Variants in MGAT4C observed in about 807,000 individuals in gnomAD.
MGAT4C encodes the protein MGAT4 family member C, also known as alpha-1,3-mannosyl-glycoprotein 4-beta-N-acetylglucosaminyltransferase C.
In MGAT4C, 19 loss-of-function variants were observed where a neutral mutation model predicts 40.1. The observed-to-expected ratio is 0.47, with a 90% CI of 0.33 to 0.70. The LOEUF is 0.70. Among genes scored for constraint, MGAT4C ranks in the 30% least tolerant of loss-of-function variants. The pLI, the probability that MGAT4C is intolerant of heterozygous loss-of-function variation, is 0.02. For missense variants in MGAT4C, 491 were observed against 563.2 expected, an observed-to-expected ratio of 0.87 and a Z score of 1.30; for synonymous variants, 181 against 187.1, an observed-to-expected ratio of 0.97 and a Z score of 0.27.
chr12:86,183,440 T>C (rs73383688), intron 1 of MGAT4C, among the ~76,000 whole-genome samples: 12,668 of 152,258 alleles, frequency 0.083, 628 homozygotes, highest in Middle Eastern at 0.22. Context: ...CAATCTCATA[T>C]ATTTTTATGA....
intron 2 of MGAT4C, among the ~76,000 whole-genome samples, chr12:86,528,170 A>G (rs1240483824): frequency 6.6e-6 from 1 of 152,156 alleles, no homozygotes; most frequent in Non-Finnish European, 1.5e-5. Flanking sequence ...AATACATTTG[A>G]AAACATTTTA....
At chr12:86,138,595 A>AGATATATCATG (rs1882366207) in intron 1 of MGAT4C, among the ~76,000 whole-genome samples, 10 of 146,586 alleles carry the variant, frequency 6.8e-5, no homozygotes, top group African/African-American at 2.2e-4. Context: ...ATATTTCCAT[A>AGATATATCATG]TATATATTTC....
intron 2 of MGAT4C, chr12:86,001,550 C>A (rs1415063644): frequency 1.2e-6 from 1 of 820,304 alleles, no homozygotes; most frequent in Non-Finnish European, 1.5e-6. Flanking sequence ...TTGGTGATTT[C>A]GACTCCTGAG....
intron 4 of MGAT4C, among the ~76,000 whole-genome samples, chr12:86,287,850 T>C (rs1354604743): frequency 6.6e-6 from 1 of 152,226 alleles, no homozygotes; most frequent in Non-Finnish European, 1.5e-5. Flanking sequence ...TTTATAATCC[T>C]TTGGGTATAT....
At chr12:86,548,464 C>A (rs995905204) in intron 2 of MGAT4C, among the ~76,000 whole-genome samples, 6 of 152,038 alleles carry the variant, frequency 3.9e-5, no homozygotes, top group African/African-American at 1.4e-4. Context: ...TTTAGTTAAT[C>A]CCCAATTCCC....
At chr12:86,785,722 AT>A (rs1951919636) in intron 1 of MGAT4C, among the ~76,000 whole-genome samples, 1 of 151,702 alleles carries the variant, frequency 6.6e-6, no homozygotes, top group African/African-American at 2.4e-5. Context: ...ATAATTTTGT[AT>A]AACATTGCTA....
chr12:86,273,923 TA>T (rs35884823), intron 4 of MGAT4C, among the ~76,000 whole-genome samples: 5 of 152,244 alleles, frequency 3.3e-5, no homozygotes, highest in African/African-American at 1.2e-4. Flanking sequence ...GGCATTGCTA[TA>T]AAAAAATACC....
At chr12:86,812,276 T>C (rs1952493101) in intron 1 of MGAT4C, among the ~76,000 whole-genome samples, 1 of 152,142 alleles carries the variant, frequency 6.6e-6, no homozygotes, top group Non-Finnish European at 1.5e-5. Context: ...ATTCTGATAT[T>C]GTTTGGTGAG....
chr12:86,407,812 T>C (rs746661313), intron 3 of MGAT4C, among the ~76,000 whole-genome samples: 7 of 152,256 alleles, frequency 4.6e-5, no homozygotes, highest in South Asian at 2.1e-4. Context: ...TGTAGCCTTA[T>C]GTCAGCCATA....
intron 4 of MGAT4C, among the ~76,000 whole-genome samples, chr12:86,313,167 T>C (rs1481218913): frequency 2.0e-5 from 3 of 152,180 alleles, no homozygotes; most frequent in Non-Finnish European, 4.4e-5. Flanking sequence ...AACGGTATTG[T>C]TTTAAACAGC....
intron 1 of MGAT4C, among the ~76,000 whole-genome samples, chr12:86,163,744 T>C (rs565286846): frequency 7.2e-5 from 11 of 152,316 alleles, no homozygotes; most frequent in African/African-American, 2.6e-4. Flanking sequence ...TTGAACTACA[T>C]GGAATAAGAC....
At chr12:86,204,168 C>CATTCTAAAAGGAGG (rs1296213537) in intron 1 of MGAT4C, among the ~76,000 whole-genome samples, 1 of 151,544 alleles carries the variant, frequency 6.6e-6, no homozygotes, top group Non-Finnish European at 1.5e-5. Flanking sequence ...AATTCTTCCA[C>CATTCTAAAAGGAGG]AAGGAGACCT....
At chr12:86,381,300 G>GA (rs1190100120) in intron 3 of MGAT4C, among the ~76,000 whole-genome samples, 1 of 152,076 alleles carries the variant, frequency 6.6e-6, no homozygotes, top group Non-Finnish European at 1.5e-5. Context: ...CAGATTTAGA[G>GA]AAAAAAGACA....
At chr12:86,752,537 T>C (rs2136142754) in intron 1 of MGAT4C, among the ~76,000 whole-genome samples, 1 of 152,216 alleles carries the variant, frequency 6.6e-6, no homozygotes, top group African/African-American at 2.4e-5. Flanking sequence ...AATTCCTTTG[T>C]GAGAACTGTG....
At chr12:86,744,026 G>A (rs1341646939) in intron 1 of MGAT4C, among the ~76,000 whole-genome samples, 1 of 151,596 alleles carries the variant, frequency 6.6e-6, no homozygotes, top group Non-Finnish European at 1.5e-5. Context: ...AGCACCCTGA[G>A]CTGAGCAACA....
intron 4 of MGAT4C, among the ~76,000 whole-genome samples, chr12:86,320,565 T>C (rs1204860432): frequency 1.3e-5 from 2 of 152,172 alleles, no homozygotes; most frequent in Non-Finnish European, 2.9e-5. Flanking sequence ...TCTCATTTCA[T>C]GGTCATAGAT....
intron 1 of MGAT4C, among the ~76,000 whole-genome samples, chr12:86,166,929 G>T (rs1886257573): frequency 6.6e-6 from 1 of 152,056 alleles, no homozygotes; most frequent in African/African-American, 2.4e-5. Context: ...CTTATATTTG[G>T]CAAGTATGCA....
At chr12:86,717,099 T>C (rs1216858884) in intron 2 of MGAT4C, among the ~76,000 whole-genome samples, 14 of 152,022 alleles carry the variant, frequency 9.2e-5, no homozygotes, top group Non-Finnish European at 2.1e-4. Flanking sequence ...TGCTCTTTTT[T>C]TGGCCAAAGG....
rs145871671 is a variant in MGAT4C at position 86,244,525 on chromosome 12, T to A, written c.-57+11714A>T. On this transcript the variant is annotated intron_variant, in intron 1 of 4. Coordinates refer to ENST00000611864, the MANE Select transcript of MGAT4C (RefSeq NM_001351288.2). ...AGGGATCTAAGTCTGGGGTCTCTCA[T>A]CATACATTCATTTAATCAGCATTTA... Among the ~76,000 whole-genome samples, 455 of 152,326 alleles carry A rather than the reference T, an allele frequency of 3.0e-3. 2 individuals are homozygous for A. The highest frequency in any genetic ancestry group is 0.01 in the African/African-American group (434 of 41,568).
Sources: gnomAD v4.1 joint callset for allele counts (sites outside exome capture counted in the v4.1 genomes callset) on GRCh38, gnomAD v4.1.1 for gene constraint, MANE v1.5 for transcripts, NCBI Gene and HGNC (gene_info 2026-07-23, HGNC 2026-07-21) for gene names.